Variants in PAM observed in about 807,000 individuals in gnomAD.
PAM encodes peptidylglycine alpha-amidating monooxygenase.
In PAM, 72 loss-of-function variants were observed where a neutral mutation model predicts 122.1. The observed-to-expected ratio is 0.59, with a 90% CI of 0.49 to 0.72. The LOEUF is 0.72. Among genes scored for constraint, PAM ranks in the 30% least tolerant of loss-of-function variants. The pLI, the probability that PAM is intolerant of heterozygous loss-of-function variation, is 0.00. For synonymous variants in PAM, 389 were observed against 404.4 expected, an observed-to-expected ratio of 0.96 and a Z score of 0.46; for missense variants, 1,106 against 1,183.7, an observed-to-expected ratio of 0.93 and a Z score of 0.96.
intron 3 of PAM, among the ~76,000 whole-genome samples, chr5:102,882,107 A>G (rs1791437788): frequency 1.2e-5 from 1 of 81,988 alleles, no homozygotes; most frequent in African/African-American, 4.8e-5. Context: ...ATATATATAT[A>G]TATACACCAC....
intron 1 of PAM, among the ~76,000 whole-genome samples, chr5:102,780,220 G>T (rs971718639): frequency 2.0e-5 from 3 of 151,954 alleles, no homozygotes; most frequent in Non-Finnish European, 4.4e-5. Flanking sequence ...ATAGGATTCA[G>T]CACTATCCAC....
intron 1 of PAM, among the ~76,000 whole-genome samples, chr5:102,833,126 G>T (rs1207741702): frequency 6.6e-6 from 1 of 152,062 alleles, no homozygotes; most frequent in Non-Finnish European, 1.5e-5. Context: ...CAACTGAAAA[G>T]AGAGAAAAAG....
intron 6 of PAM, among the ~76,000 whole-genome samples, chr5:102,926,330 T>C (rs893335623): frequency 1.3e-5 from 2 of 152,226 alleles, no homozygotes; most frequent in African/African-American, 4.8e-5. Context: ...AATGAGTGAA[T>C]TGTCCTCTTA....
intron 3 of PAM, among the ~76,000 whole-genome samples, chr5:102,881,780 C>G (rs7723978): frequency 0.089 from 13,432 of 150,470 alleles, 1,491 homozygotes; most frequent in African/African-American, 0.25. Context: ...TGAGACTTAC[C>G]TGCATCTATC....
At chr5:102,940,502 C>CTATA (rs201777482) in intron 7 of PAM, among the ~76,000 whole-genome samples, 84 of 141,812 alleles carry the variant, frequency 5.9e-4, no homozygotes, top group Admixed American at 1.4e-3. Context: ...TATATATCAG[C>CTATA]TATATATATA....
chr5:102,827,660 C>T (rs1337088721), intron 1 of PAM, among the ~76,000 whole-genome samples: 7 of 62,008 alleles, frequency 1.1e-4, no homozygotes, highest in African/African-American at 5.6e-4. Flanking sequence ...TTGAAGCTCA[C>T]TATGATTTTT....
intron 15 of PAM, among the ~76,000 whole-genome samples, chr5:102,981,963 AC>A (rs969551325): frequency 1.3e-5 from 2 of 152,064 alleles, no homozygotes; most frequent in African/African-American, 4.8e-5. Context: ...TAATCATGTC[AC>A]CCCATGTTTT....
intron 1 of PAM, among the ~76,000 whole-genome samples, chr5:102,757,933 T>C (rs1456793543): frequency 6.6e-6 from 1 of 150,560 alleles, no homozygotes; most frequent in Admixed American, 6.6e-5. Context: ...TCCCAGCTAC[T>C]CAAGAGGCTG....
intron 12 of PAM, among the ~76,000 whole-genome samples, chr5:102,957,971 T>G (rs1189333657): frequency 6.6e-6 from 1 of 152,186 alleles, no homozygotes; most frequent in Non-Finnish European, 1.5e-5. Context: ...TAAAAACATA[T>G]AATAGCTCAC....
intron 15 of PAM, chr5:102,987,534 GAA>G: frequency 4.4e-6 from 2 of 455,950 alleles, no homozygotes; most frequent in South Asian, 1.6e-5. Context: ...GAGAAGATAT[GAA>G]ATGTTTCCAG....
intron 3 of PAM, among the ~76,000 whole-genome samples, chr5:102,879,753 G>A (rs998634477): frequency 2.6e-5 from 4 of 152,118 alleles, no homozygotes; most frequent in Non-Finnish European, 5.9e-5. Context: ...TTAGCAATGC[G>A]AGAATGGTGT....
chr5:102,897,632 A>G (rs1440182042), intron 3 of PAM, among the ~76,000 whole-genome samples: 1 of 151,640 alleles, frequency 6.6e-6, no homozygotes, highest in African/African-American at 2.4e-5. Context: ...CCAATTTACA[A>G]ATAGCCAAAG....
chr5:102,880,619 A>G (rs1318445377), intron 3 of PAM, among the ~76,000 whole-genome samples: 1 of 152,152 alleles, frequency 6.6e-6, no homozygotes, highest in Admixed American at 6.6e-5. Flanking sequence ...TAAATGGTCT[A>G]GAGAGTAATG....
At chr5:102,780,813 TTCTTTCTTTCTTTC>T (rs1758673329) in intron 1 of PAM, among the ~76,000 whole-genome samples, 3 of 141,536 alleles carry the variant, frequency 2.1e-5, no homozygotes, top group African/African-American at 8.1e-5. Flanking sequence ...CTTTCTTTCT[TTCTTTCTTTCTTTC>T]TTTCTTTCTC....
chr5:102,825,423 C>T (rs1773305288), intron 1 of PAM, among the ~76,000 whole-genome samples: 1 of 152,134 alleles, frequency 6.6e-6, no homozygotes, highest in Admixed American at 6.5e-5. Flanking sequence ...CAAAGATAAT[C>T]TTAGAGGGAA....
At position 102,924,939 on chromosome 5, in the gene PAM, A is replaced by G. The variant is rs772141514; in HGVS notation, c.357-18A>G. On this transcript the variant is annotated intron_variant, in intron 5 of 25. Coordinates refer to ENST00000438793, the MANE Select transcript of PAM (RefSeq NM_001177306.2). ...CACTATTTAAATCTTCATTTATACTACTTTTTATTTTCTTCAGGTTTTGTG... is the reference window on the plus strand; with the variant it reads ...CACTATTTAAATCTTCATTTATACTGCTTTTTATTTTCTTCAGGTTTTGTG... 8.0e-6 allele frequency: 10 copies of G among 1,242,852 alleles called. No homozygotes were observed. The Middle Eastern group carries it at 5.6e-4, about 70-fold the overall frequency. The allele number at this position is 1,242,852 out of a possible 1,614,324, so 77.0% of individuals were successfully genotyped here.
At chr5:102,922,851 C>T (rs1036159569) in intron 5 of PAM, among the ~76,000 whole-genome samples, 3 of 152,166 alleles carry the variant, frequency 2.0e-5, no homozygotes, top group Admixed American at 6.5e-5. Flanking sequence ...TTGACAATAT[C>T]ATTTCTTTAA....
chr5:102,983,886 T>C (rs776119147), intron 15 of PAM, among the ~76,000 whole-genome samples: 2 of 152,166 alleles, frequency 1.3e-5, no homozygotes, highest in Non-Finnish European at 2.9e-5. Context: ...AATTGATATA[T>C]TCAAAGTGTT....
chr5:103,006,151 G>A (rs1346231953), intron 18 of PAM, among the ~76,000 whole-genome samples: 2 of 152,044 alleles, frequency 1.3e-5, no homozygotes, highest in Non-Finnish European at 1.5e-5. Flanking sequence ...TGCCCAGGCT[G>A]GTCTTGAATT....
Sources: allele counts gnomAD v4.1 joint callset (sites outside exome capture counted in the v4.1 genomes callset), GRCh38; gene constraint gnomAD v4.1.1; transcripts MANE v1.5; gene names NCBI Gene and HGNC (gene_info 2026-07-23, HGNC 2026-07-21).